Variants in DMRTC2 observed in about 807,000 individuals in gnomAD.
DMRTC2 encodes DMRT like family C2.
A neutral mutation model predicts 39.9 loss-of-function variants in DMRTC2; 13 were observed. That is an observed-to-expected ratio of 0.33 (90% CI 0.21 to 0.52). The LOEUF is 0.52. Among genes scored for constraint, DMRTC2 ranks in the 20% least tolerant of loss-of-function variants. The pLI, the probability that DMRTC2 is intolerant of heterozygous loss-of-function variation, is 0.96. For synonymous variants in DMRTC2, 189 were observed against 185.2 expected, an observed-to-expected ratio of 1.02 and a Z score of -0.17; for missense variants, 431 against 472.8, an observed-to-expected ratio of 0.91 and a Z score of 0.82.
At chr19:41,847,360 C>A in intron 1 of DMRTC2, 65 bp from the exon 2 acceptor site, 2 of 1,494,802 alleles carry the variant, frequency 1.3e-6, no homozygotes, top group Non-Finnish European at 1.8e-6. Context: ...GTGTGGTCTC[C>A]AGGGCAGGAG....
rs190305847 is a variant in DMRTC2 at position 41,850,795 on chromosome 19, G to A, written c.991+95G>A. The stretch of plus-strand genomic sequence containing the variant: ...AACCAAGGAGATGAGGGGGTCGACA[G>A]GTTGAACGTCTTCAGGCCCAGGACC... On this transcript the variant is annotated intron_variant, in intron 8 of 8. Transcript: ENST00000269945. 159 of 1,342,720 alleles carry A rather than the reference G, an allele frequency of 1.2e-4. 2 individuals carry two copies. The East Asian group carries it at 3.8e-3, about 32-fold the overall frequency. 83.2% of individuals were successfully genotyped at this position (1,342,720 alleles called of 1,614,324 possible). A position where few individuals can be genotyped will look rare whatever the true frequency, so the allele number is the denominator to read the frequency against.
chr19:41,845,998 C>T (rs903647321), intron 1 of DMRTC2, among the ~76,000 whole-genome samples: 1 of 143,728 alleles, frequency 7.0e-6, no homozygotes, highest in African/African-American at 2.5e-5. Flanking sequence ...GGCAACAGAG[C>T]GAGACCCTGT....
At position 41,850,653 on chromosome 19, in the gene DMRTC2, C is replaced by T. The variant is rs2073942301; in HGVS notation, c.944C>T (p.Pro315Leu). The T allele has an allele frequency of 1.9e-6, 3 of 1,607,638 alleles. No homozygotes were observed. Among genetic ancestry groups the T allele is most frequent in the Non-Finnish European group, 2.5e-6 (3 of 1,177,050 alleles). Reference protein sequence around the residue: ...SQAPRVTPSVPPNPAWISLLH... With the variant: ...SQAPRVTPSVLPNPAWISLLH... ...GCTCCTCGTGTGACCCCTTCTGTGCCCCCCAACCCTGCCTGGATCTCCCTG... is the reference window on the plus strand; with the variant it reads ...GCTCCTCGTGTGACCCCTTCTGTGCTCCCCAACCCTGCCTGGATCTCCCTG... The change falls in exon 8 of 9, where the codon CCC becomes CTC. Residue 315 changes from proline to leucine, a missense_variant. Pro to Leu is a moderately conservative substitution (Grantham distance 98). Transcript: ENST00000269945.
In DMRTC2 at chr19:41,851,959, A is replaced by C. The variant is rs1264434404; in HGVS notation, c.*263A>C. On this transcript the variant is annotated 3_prime_UTR_variant, in exon 9 of 9. Transcript: ENST00000269945. Reference sequence around the variant, plus strand: ...GGTCCTGGGATCTCTTGAAATCCCCAATAAAGAGAGAGTTGTGCTATTTAA... The same window carrying C: ...GGTCCTGGGATCTCTTGAAATCCCCCATAAAGAGAGAGTTGTGCTATTTAA... 2.1e-6 allele frequency: 1 copy of C among 486,954 alleles called. No individual in the cohort carries two copies. Among genetic ancestry groups the C allele is most frequent in the Middle Eastern group, 5.6e-4 (1 of 1,798 alleles). The allele number at this position is 486,954 out of a possible 1,614,324, so 30.2% of individuals were successfully genotyped here. A position where few individuals can be genotyped will look rare whatever the true frequency, so the allele number is the denominator to read the frequency against.
At chr19:41,851,515 TAA>T in intron 8 of DMRTC2, 67 bp from the exon 9 acceptor site, 1 of 1,340,776 alleles carries the variant, frequency 7.5e-7, no homozygotes, top group South Asian at 1.2e-5. Context: ...TTGGATTCGG[TAA>T]AAAGAGGGGG....
rs1890618458 is a variant in DMRTC2 at position 41,848,663 on chromosome 19, C to A, written c.448-132C>A. On this transcript the variant is annotated intron_variant, in intron 4 of 8. Coordinates refer to ENST00000269945, the MANE Select transcript of DMRTC2 (RefSeq NM_001040283.3). ...GTAATCTAGTCAAATCACTGCTCTT[C>A]TCTAGGCAAAATGAGGGGAAAACGA... The A allele has an allele frequency of 6.0e-6, 9 of 1,507,924 alleles. 2 individuals are homozygous for A. In the South Asian group the frequency reaches 1.0e-4, roughly 18 times the overall value. 93.4% of individuals were successfully genotyped at this position (1,507,924 alleles called of 1,614,324 possible). A position where few individuals can be genotyped will look rare whatever the true frequency, so the allele number is the denominator to read the frequency against.
At chr19:41,851,322 A>T in intron 8 of DMRTC2, 1 of 435,708 alleles carries the variant, frequency 2.3e-6, no homozygotes, top group South Asian at 3.5e-5. Flanking sequence ...TAGAACAGCA[A>T]CTGTATGTGA....
rs372652535 is a variant in DMRTC2, at chr19:41,850,301, C to G, written c.756-11C>G. 60 of 1,486,994 alleles carry G rather than the reference C, an allele frequency of 4.0e-5. No individual in the cohort carries two copies. The highest frequency in any genetic ancestry group is 5.1e-5 in the Non-Finnish European group (57 of 1,118,240). 92.1% of individuals were successfully genotyped at this position (1,486,994 alleles called of 1,614,324 possible). ...TTTAACCACCCTGGCATCTTCTCTC[C>G]TTGTTTCTAGACACTCAACTCTGAT... is the stretch of plus-strand genomic sequence containing the variant. On this transcript the variant is annotated splice_polypyrimidine_tract_variant and intron_variant, in intron 6 of 8. Transcript: ENST00000269945.
chr19:41,845,604 C>T (rs1555835538), intron 1 of DMRTC2, among the ~76,000 whole-genome samples: 1 of 152,160 alleles, frequency 6.6e-6, no homozygotes, highest in Admixed American at 6.5e-5. Flanking sequence ...AGGCAGGTCG[C>T]TTGAGGCAGG....
chr19:41,847,294 G>T, intron 1 of DMRTC2, 131 bp from the exon 2 acceptor site: 1 of 1,363,990 alleles, frequency 7.3e-7, no homozygotes, highest in Non-Finnish European at 9.4e-7. Flanking sequence ...GAGAAAGCTG[G>T]GAAAGAAGCC....
chr19:41,847,415 C>G lies in DMRTC2; in HGVS notation c.-4-10C>G. ...ACCTGGCTATGCTTACCTTCCACTC[C>G]TGCCCCTAGATCCATGGAACCCAGT... On this transcript the variant is annotated splice_polypyrimidine_tract_variant and intron_variant, in intron 1 of 8. Coordinates refer to ENST00000269945, the MANE Select transcript of DMRTC2 (RefSeq NM_001040283.3). 6.5e-7 allele frequency: 1 copy of G among 1,537,676 alleles called. No homozygotes were observed. Among genetic ancestry groups the G allele is most frequent in the Admixed American group, 2.0e-5 (1 of 49,236 alleles).
intron 7 of DMRTC2, 38 bp from the exon 8 acceptor site, chr19:41,850,487 CG>C (rs782025376): frequency 1.0e-5 from 16 of 1,587,880 alleles, no homozygotes; most frequent in Non-Finnish European, 1.4e-5. Flanking sequence ...TGGGCAGAAG[CG>C]GGGGTTCCCA....
chr19:41,849,704 G>A (rs1166939687), intron 6 of DMRTC2, among the ~76,000 whole-genome samples: 1 of 152,160 alleles, frequency 6.6e-6, no homozygotes, highest in Non-Finnish European at 1.5e-5. Flanking sequence ...CAAGTTCTAT[G>A]GTGACTGGGG....
rs782602456 is a variant in DMRTC2, at chr19:41,849,227, G to A, written c.726G>A (p.Glu242=). The A allele has an allele frequency of 1.2e-6, 2 of 1,613,860 alleles. No homozygotes were observed. The highest frequency in any genetic ancestry group is 1.7e-5 in the Admixed American group (1 of 59,994). Residue 242 remains glutamate, a synonymous_variant, in exon 6 of 9, where the codon GAG becomes GAA. Coordinates refer to ENST00000269945, the MANE Select transcript of DMRTC2 (RefSeq NM_001040283.3). The part of the protein sequence containing the change: ...HPVLTAPLSG[E]PQGPPSQPRT... The stretch of plus-strand genomic sequence containing the variant: ...TACTGACAGCTCCTCTTTCTGGAGA[G>A]CCCCAAGGGCCCCCTAGCCAGCCCC...
chr19:41,851,366 G>A (rs961085667), intron 8 of DMRTC2: 18 of 547,312 alleles, frequency 3.3e-5, no homozygotes, highest in African/African-American at 3.2e-4. Flanking sequence ...AACTAAGCAA[G>A]GACAAATTCA....
In DMRTC2 at chr19:41,848,842, C is replaced by G; in HGVS notation, c.495C>G (p.Pro165=). ...TCAGCCATCCCCCGGAAGCCTCGCC[C>G]TTGTCCTGGACTCCGGTGCCTCCTG... ...LLLSHPPEAS[P]LSWTPVPPGP... The change falls in exon 5 of 9, where the codon CCC becomes CCG. Residue 165 remains proline, a synonymous_variant. Transcript: ENST00000269945. 1 of 1,611,626 alleles carries G rather than the reference C, an allele frequency of 6.2e-7. No homozygotes were observed. Among genetic ancestry groups the G allele is most frequent in the African/African-American group, 1.3e-5 (1 of 75,050 alleles).
At position 41,850,318 on chromosome 19, in the gene DMRTC2, A is replaced by C. The variant is rs782306226; in HGVS notation, c.762A>C (p.Ser254=). ...CTTCTCTCCTTGTTTCTAGACACTCAACTCTGATACTCCAGCCCTGTGGCA... is the reference window on the plus strand; with the variant it reads ...CTTCTCTCCTTGTTTCTAGACACTCCACTCTGATACTCCAGCCCTGTGGCA... ...QGPPSQPRTH[S]TLILQPCGTP... Residue 254 remains serine, a synonymous_variant, in exon 7 of 9, where the codon TCA becomes TCC. Coordinates refer to ENST00000269945, the MANE Select transcript of DMRTC2 (RefSeq NM_001040283.3). 6 of 1,498,672 alleles carry C rather than the reference A, an allele frequency of 4.0e-6. No homozygotes were observed. In the East Asian group the frequency reaches 9.5e-5, roughly 24 times the overall value. 92.8% of individuals were successfully genotyped at this position (1,498,672 alleles called of 1,614,324 possible).
chr19:41,850,707 CATG>C lies in DMRTC2; in HGVS notation c.991+9_991+11del. 2.6e-6 allele frequency: 4 copies of C among 1,559,400 alleles called. No homozygotes were observed. Among genetic ancestry groups the C allele is most frequent in the South Asian group, 2.4e-5 (2 of 83,946 alleles). ...CACCCCTGTGGCCCACCAGGTGGGC[CATG>C]AAAGGAGAGGATGGATAGGGATGGC... On this transcript the variant is annotated splice_region_variant and intron_variant, in intron 8 of 8. Transcript: ENST00000269945.
rs2073935788 is a variant in DMRTC2, at chr19:41,850,341, G to A, written c.785G>A (p.Gly262Asp). Residue 262 changes from glycine to aspartate, a missense_variant, in exon 7 of 9, where the codon GGC becomes GAC. Transcript: ENST00000269945. Reference sequence around the variant, plus strand: ...TCAACTCTGATACTCCAGCCCTGTGGCACCCCAGACCCTCTTCAGCTACAG... The same window carrying A: ...TCAACTCTGATACTCCAGCCCTGTGACACCCCAGACCCTCTTCAGCTACAG... ...THSTLILQPC[G>D]TPDPLQLQPQ... is the part of the protein sequence containing the mutation. 1.3e-6 allele frequency: 2 copies of A among 1,509,426 alleles called. No individual in the cohort carries two copies. The highest frequency in any genetic ancestry group is 1.4e-5 in the South Asian group (1 of 73,588). The allele number at this position is 1,509,426 out of a possible 1,614,324, so 93.5% of individuals were successfully genotyped here. A position where few individuals can be genotyped will look rare whatever the true frequency, so the allele number is the denominator to read the frequency against.
Sources: allele counts gnomAD v4.1 joint callset (sites outside exome capture counted in the v4.1 genomes callset), GRCh38; gene constraint gnomAD v4.1.1; transcripts MANE v1.5; gene names NCBI Gene and HGNC (gene_info 2026-07-23, HGNC 2026-07-21).